Variants in MAGI1 observed in about 807,000 individuals in gnomAD.
MAGI1 encodes membrane-associated guanylate kinase, WW and PDZ domain-containing protein 1.
Under a neutral mutation model 139.9 loss-of-function variants are expected in MAGI1, and 58 were observed. The ratio of observed to expected loss-of-function variants is 0.41; its 90% CI spans 0.34 to 0.52. The LOEUF (loss-of-function observed/expected upper bound fraction) is 0.52, where lower values mean the gene tolerates loss of function less well. MAGI1 is among the 20% of genes least tolerant of loss of function. The pLI is 0.12. For synonymous variants in MAGI1, 812 were observed against 737.9 expected (o/e 1.10, Z -1.63); for missense variants, 1,874 against 1,901.6 (o/e 0.99, Z 0.27).
chr3:65,359,481 A>G, intron 22 of MAGI1: 18 of 1,075,878 alleles, frequency 1.7e-5, no homozygotes, highest in Non-Finnish European at 2.0e-5. Flanking sequence ...ATAGGAGAGC[A>G]TTAACAATAA....
At chr3:65,542,949 T>A (rs1468946246) in intron 2 of MAGI1, among the ~76,000 whole-genome samples, 1 of 151,982 alleles carries the variant, frequency 6.6e-6, no homozygotes. Context: ...GAAACTACCA[T>A]CAGAGTGAAC....
At chr3:65,779,505 A>G (rs2107997075) in intron 1 of MAGI1, among the ~76,000 whole-genome samples, 1 of 152,326 alleles carries the variant, frequency 6.6e-6, no homozygotes, top group South Asian at 2.1e-4. Flanking sequence ...GAACTGTGAG[A>G]TGATTTAAAA....
chr3:65,621,917 T>TCACACATACA, intron 2 of MAGI1, 55 bp downstream of exon 2: 1 of 986,070 alleles, frequency 1.0e-6, no homozygotes, highest in South Asian at 1.4e-5. Flanking sequence ...CCTGGACTTT[T>TCACACATACA]CACACACACA....
At chr3:65,401,369 C>CCCAA in intron 13 of MAGI1, 70 bp downstream of exon 13, 2 of 1,187,606 alleles carry the variant, frequency 1.7e-6, no homozygotes, top group South Asian at 1.3e-5. Context: ...ACACAGAGTA[C>CCCAA]CCTCCCACCT....
chr3:65,478,740 C>T lies in MAGI1; in HGVS notation c.609G>A (p.Thr203=), dbSNP rs771693536. 8 of 1,613,958 alleles carry T rather than the reference C, an allele frequency of 5.0e-6. No individual in the cohort carries two copies. The highest frequency in any genetic ancestry group is 1.1e-5 in the South Asian group (1 of 91,074). The change falls in exon 4 of 23, where the codon ACG becomes ACA. Residue 203 remains threonine (T), a synonymous_variant. Transcript: ENST00000402939. ...PSQPVSGKVI[T]TDALHSLQSG... is the part of the protein sequence containing the mutation. ...ACTGAAGGCTGTGCAAGGCATCCGT[C>T]GTGATCACTTTCCCACTGACTGGCT...
At chr3:65,700,823 T>G (rs1469987364) in intron 1 of MAGI1, among the ~76,000 whole-genome samples, 2 of 152,194 alleles carry the variant, frequency 1.3e-5, no homozygotes, top group Non-Finnish European at 2.9e-5. Context: ...TTTCTTTAAT[T>G]GCTTCTAATG....
At chr3:65,773,819 T>C (rs2038154419) in intron 1 of MAGI1, among the ~76,000 whole-genome samples, 1 of 152,228 alleles carries the variant, frequency 6.6e-6, no homozygotes, top group South Asian at 2.1e-4. Flanking sequence ...ACTTGAGTCT[T>C]TCATTTTAAT....
chr3:65,599,169 C>A (rs754215778), intron 2 of MAGI1, among the ~76,000 whole-genome samples: 1 of 152,020 alleles, frequency 6.6e-6, no homozygotes, highest in Non-Finnish European at 1.5e-5. Context: ...ATACCTCTTT[C>A]TGGGGTATGT....
intron 1 of MAGI1, among the ~76,000 whole-genome samples, chr3:65,761,156 C>G (rs1396192809): frequency 6.6e-6 from 1 of 152,122 alleles, no homozygotes; most frequent in African/African-American, 2.4e-5. Context: ...TTGACTTTCA[C>G]CAGGCACATT....
chr3:65,542,447 T>A (rs1002987393), intron 2 of MAGI1, among the ~76,000 whole-genome samples: 47 of 148,198 alleles, frequency 3.2e-4, no homozygotes, highest in African/African-American at 1.0e-3. Context: ...ACCCAAAAAG[T>A]GCAATCCTAA....
chr3:65,866,294 T>A (rs7651973), intron 1 of MAGI1, among the ~76,000 whole-genome samples: 70,237 of 149,472 alleles, frequency 0.47, 19,017 homozygotes, highest in African/African-American at 0.75. Context: ...GCTCACTGCA[T>A]CCTCAACCTC....
chr3:65,916,608 C>T (rs1378680236), intron 1 of MAGI1, among the ~76,000 whole-genome samples: 1 of 152,172 alleles, frequency 6.6e-6, no homozygotes, highest in Non-Finnish European at 1.5e-5. Context: ...TATCTCCCAC[C>T]AGCTCCCTCC....
chr3:65,506,261 A>G (rs2077283637), intron 2 of MAGI1, among the ~76,000 whole-genome samples: 1 of 152,168 alleles, frequency 6.6e-6, no homozygotes, highest in Admixed American at 6.5e-5. Context: ...AGACTGTGTG[A>G]GGATTACATG....
chr3:65,996,708 G>A (rs948338042), intron 1 of MAGI1, among the ~76,000 whole-genome samples: 2 of 152,202 alleles, frequency 1.3e-5, no homozygotes, highest in Admixed American at 6.5e-5. Flanking sequence ...GGAGCTCTCT[G>A]CCAGGTAAAG....
chr3:65,563,230 T>G (rs1436576883), intron 2 of MAGI1, among the ~76,000 whole-genome samples: 1 of 152,204 alleles, frequency 6.6e-6, no homozygotes, highest in Non-Finnish European at 1.5e-5. Flanking sequence ...TTAATTAAAT[T>G]ATATTGTTAG....
intron 2 of MAGI1, among the ~76,000 whole-genome samples, chr3:65,566,026 C>T (rs886744151): frequency 1.3e-4 from 19 of 151,938 alleles, no homozygotes; most frequent in East Asian, 3.9e-4. Context: ...GAGGCTGAGG[C>T]GGGCGGATCA....
intron 1 of MAGI1, among the ~76,000 whole-genome samples, chr3:65,632,356 C>A (rs2084363895): frequency 6.6e-6 from 1 of 152,108 alleles, no homozygotes; most frequent in African/African-American, 2.4e-5. Flanking sequence ...ATTAAAGAGA[C>A]CACATGATGG....
At chr3:65,536,919 C>G (rs570086043) in intron 2 of MAGI1, among the ~76,000 whole-genome samples, 2 of 152,086 alleles carry the variant, frequency 1.3e-5, no homozygotes, top group Non-Finnish European at 2.9e-5. Context: ...GTTTGGGTAC[C>G]CAGAGCCAGC....
chr3:65,477,294 A>C (rs540341268), intron 4 of MAGI1, among the ~76,000 whole-genome samples: 2 of 152,228 alleles, frequency 1.3e-5, no homozygotes, highest in Non-Finnish European at 2.9e-5. Flanking sequence ...TGCAAACAGC[A>C]TTCATAAATA....
Sources: allele counts gnomAD v4.1 joint callset (sites outside exome capture counted in the v4.1 genomes callset), GRCh38; gene constraint gnomAD v4.1.1; transcripts MANE v1.5; gene names NCBI Gene and HGNC (gene_info 2026-07-23, HGNC 2026-07-21).